The following SATB2 variants were observed in gnomAD, a reference collection of about 807,000 sequenced individuals.
SATB2 encodes the protein SATB homeobox 2, also known as DNA-binding protein SATB2.
Under a neutral mutation model 73.4 loss-of-function variants are expected in SATB2, and 1 was observed. That is an observed-to-expected ratio of 0.01 (90% CI 0.00 to 0.06). The LOEUF (loss-of-function observed/expected upper bound fraction) is 0.06, where lower values mean the gene tolerates loss of function less well. Among genes scored for constraint, SATB2 ranks in the 10% least tolerant of loss-of-function variants. The pLI is 1.00. For synonymous variants in SATB2, 397 were observed against 367.0 expected (o/e 1.08, Z -0.93); for missense variants, 459 against 945.8 (o/e 0.49, Z 6.75).
chr2:199,376,968 G>T (rs932445709), intron 5 of SATB2, among the ~76,000 whole-genome samples: 1 of 152,134 alleles, frequency 6.6e-6, no homozygotes, highest in Non-Finnish European at 1.5e-5. Context: ...TGTGTGCAGG[G>T]GCTTTCAAAG....
chr2:199,338,287 G>A (rs1688395418), intron 7 of SATB2, among the ~76,000 whole-genome samples: 1 of 151,954 alleles, frequency 6.6e-6, no homozygotes. Flanking sequence ...AGGATCACTT[G>A]AACTCGGGAG....
At position 199,455,831 on chromosome 2, in the gene SATB2, G is replaced by C; in HGVS notation, c.169+38C>G. 1 of 1,533,146 alleles carries C rather than the reference G, an allele frequency of 6.5e-7. No individual in the cohort carries two copies. Among genetic ancestry groups the C allele is most frequent in the Non-Finnish European group, 8.7e-7 (1 of 1,145,606 alleles). The allele number at this position is 1,533,146 out of a possible 1,614,324, so 95.0% of individuals were successfully genotyped here. On this transcript the variant is annotated intron_variant, in intron 2 of 10. Transcript: ENST00000417098. This position sits in a 1 kb window ranked among gnomAD's most constrained non-coding sequence, Gnocchi z 4.1. ...CCTGACACCCGGGCCATTATCACTG[G>C]GCCGCGGGCTGCGCGCCTCCCTGCT... is the stretch of plus-strand genomic sequence containing the variant.
chr2:199,433,332 T>TA lies in SATB2; in HGVS notation c.346+5dup, dbSNP rs772443808. The TA allele has an allele frequency of 6.2e-7, 1 of 1,613,322 alleles. No individual in the cohort carries two copies. Among genetic ancestry groups the TA allele is most frequent in the South Asian group, 1.1e-5 (1 of 91,050 alleles). On this transcript the variant is annotated splice_donor_region_variant and intron_variant, in intron 3 of 10. Coordinates refer to ENST00000417098, the MANE Select transcript of SATB2 (RefSeq NM_001172509.2). ...ACTTGGGAGGAGAGGGGAGAGGCAT[T>TA]AATACCTTGGGCCTGGGCCGCAGAG...
chr2:199,365,661 TA>T (rs1054704821), intron 6 of SATB2, among the ~76,000 whole-genome samples: 13 of 152,168 alleles, frequency 8.5e-5, no homozygotes, highest in African/African-American at 2.7e-4. Context: ...TTAAAATGTT[TA>T]CTTCAAAATT....
intron 3 of SATB2, among the ~76,000 whole-genome samples, chr2:199,390,125 A>G (rs889023105): frequency 2.0e-5 from 3 of 152,120 alleles, no homozygotes; most frequent in African/African-American, 7.2e-5. Flanking sequence ...AAATTATTCC[A>G]CAAATTAAAT....
chr2:199,365,875 G>A (rs532192751), intron 6 of SATB2, among the ~76,000 whole-genome samples: 19 of 151,684 alleles, frequency 1.3e-4, no homozygotes, highest in East Asian at 9.7e-4. Context: ...TTATTTTACC[G>A]TTTATTTATT....
At chr2:199,439,189 A>C (rs1285512518) in intron 2 of SATB2, among the ~76,000 whole-genome samples, 3 of 152,270 alleles carry the variant, frequency 2.0e-5, no homozygotes, top group African/African-American at 7.2e-5. Context: ...ACAAAGGCTC[A>C]CATGAATGGT....
At chr2:199,343,018 T>C (rs1688551764) in intron 7 of SATB2, among the ~76,000 whole-genome samples, 1 of 152,202 alleles carries the variant, frequency 6.6e-6, no homozygotes, top group African/African-American at 2.4e-5. Flanking sequence ...TTTAAGTTTT[T>C]CATCTGGAAA....
intron 3 of SATB2, among the ~76,000 whole-genome samples, chr2:199,383,797 G>A (rs1284468777): frequency 6.6e-6 from 1 of 152,076 alleles, no homozygotes; most frequent in Non-Finnish European, 1.5e-5. Flanking sequence ...TCCATTGTAA[G>A]AATACACCAC....
chr2:199,374,361 C>A (rs954804526), intron 5 of SATB2, among the ~76,000 whole-genome samples: 1 of 152,150 alleles, frequency 6.6e-6, no homozygotes, highest in Non-Finnish European at 1.5e-5. Context: ...TAGGCAAATT[C>A]ACAGAGGCAG....
rs542911998 is a variant in SATB2 at position 199,323,941 on chromosome 2, C to T, written c.1404G>A (p.Pro468=). 33 of 1,613,200 alleles carry T rather than the reference C, an allele frequency of 2.0e-5. No individual in the cohort carries two copies. Among genetic ancestry groups the T allele is most frequent in the Middle Eastern group, 1.7e-4 (1 of 6,052 alleles). ...CCACCTTAATAGGGAGGTCTGTTGT[C>T]GGTGTCGAGGTTTTGGCCTACCAAG... ...SRTPQAKTST[P]TTDLPIKVDG... Residue 468 remains proline (P), a synonymous_variant, in exon 9 of 11, where the codon CCG becomes CCA. Coordinates refer to ENST00000417098, the MANE Select transcript of SATB2 (RefSeq NM_001172509.2).
rs1447498773 is a variant in SATB2 at position 199,463,703 on chromosome 2, C to T, written c.-141+1133G>A. Among the ~76,000 whole-genome samples, 4 of 152,152 alleles carry T rather than the reference C, an allele frequency of 2.6e-5. No homozygotes were observed. In the East Asian group the frequency reaches 7.7e-4, roughly 29 times the overall value. ...ATGGGCAGGTCCCTGGCCCAGGGTACCACCGGGCCACTCAACACAAAAACG... is the reference window on the plus strand; with the variant it reads ...ATGGGCAGGTCCCTGGCCCAGGGTATCACCGGGCCACTCAACACAAAAACG... On this transcript the variant is annotated intron_variant, in intron 1 of 11. Coordinates refer to the SATB2 transcript ENST00000260926. The surrounding 1 kb of genome is among the most constrained non-coding windows in gnomAD (Gnocchi z 6.4).
intron 3 of SATB2, among the ~76,000 whole-genome samples, chr2:199,429,005 C>CAAAAAA (rs575684723): frequency 1.6e-5 from 1 of 62,662 alleles, no homozygotes; most frequent in Non-Finnish European, 3.5e-5. Flanking sequence ...GACTCTGTCT[C>CAAAAAA]AAAAAAAAAA....
intron 3 of SATB2, among the ~76,000 whole-genome samples, chr2:199,421,517 A>C (rs1293893338): frequency 6.6e-6 from 1 of 152,160 alleles, no homozygotes; most frequent in Non-Finnish European, 1.5e-5. Flanking sequence ...ACAGCAAAAA[A>C]CAGAGGCTAA....
intron 3 of SATB2, among the ~76,000 whole-genome samples, chr2:199,384,610 G>A (rs2105871637): frequency 6.6e-6 from 1 of 152,292 alleles, no homozygotes; most frequent in East Asian, 1.9e-4. Flanking sequence ...GTTAATTGAG[G>A]AAATCAAATT....
At chr2:199,379,821 C>G (rs886740322) in intron 5 of SATB2, among the ~76,000 whole-genome samples, 2 of 150,770 alleles carry the variant, frequency 1.3e-5, no homozygotes, top group Non-Finnish European at 3.0e-5. Context: ...AGCCACCATG[C>G]CTGGCCCGTA....
At chr2:199,401,423 C>T (rs1574592258) in intron 3 of SATB2, among the ~76,000 whole-genome samples, 2 of 150,934 alleles carry the variant, frequency 1.3e-5, no homozygotes, top group East Asian at 1.9e-4. Context: ...CGTGGTGGTG[C>T]GTGCCTGTAC....
In SATB2 at chr2:199,463,126, C is replaced by T. The variant is rs566387838; in HGVS notation, c.-141+1710G>A. ...GGACCGGGGAAGACGGAGGGTCCTGCGGCCTGGAGCACCACCCTACCACAC... is the reference window on the plus strand; with the variant it reads ...GGACCGGGGAAGACGGAGGGTCCTGTGGCCTGGAGCACCACCCTACCACAC... On this transcript the variant is annotated intron_variant, in intron 1 of 11. Transcript: ENST00000260926. The surrounding 1 kb of genome is among the most constrained non-coding windows in gnomAD (Gnocchi z 6.4). Among the ~76,000 whole-genome samples, 2 of 152,222 alleles carry T rather than the reference C, an allele frequency of 1.3e-5. No homozygotes were observed. Among genetic ancestry groups the T allele is most frequent in the East Asian group, 1.9e-4 (1 of 5,134 alleles).
At chr2:199,375,176 G>A (rs1387023972) in intron 5 of SATB2, among the ~76,000 whole-genome samples, 4 of 152,094 alleles carry the variant, frequency 2.6e-5, no homozygotes, top group African/African-American at 9.7e-5. Context: ...GAATAAGTAA[G>A]CCACAGAAAG....
Sources: gnomAD v4.1 joint callset for allele counts (sites outside exome capture counted in the v4.1 genomes callset) on GRCh38, gnomAD v4.1.1 for gene constraint, Gnocchi (gnomAD v3.1) non-coding constraint, MANE v1.5 for transcripts, NCBI Gene and HGNC (gene_info 2026-07-23, HGNC 2026-07-21) for gene names.